Variants in IL20RA observed in about 807,000 individuals in gnomAD.
IL20RA encodes the protein interleukin-20 receptor subunit alpha.
Under a neutral mutation model 36.5 loss-of-function variants are expected in IL20RA, and 29 were observed. That is an observed-to-expected ratio of 0.79 (90% CI 0.59 to 1.08). IL20RA has a LOEUF of 1.08. Ranked by LOEUF, IL20RA falls within the 50% of genes least tolerant of loss-of-function variation. IL20RA has a pLI of 0.00. For missense variants in IL20RA, 652 were observed against 668.4 expected, an observed-to-expected ratio of 0.98 and a Z score of 0.27; for synonymous variants, 279 against 267.1, an observed-to-expected ratio of 1.04 and a Z score of -0.43.
rs1331978722 is a variant in IL20RA at position 137,008,724 on chromosome 6, T to C, written c.599A>G (p.Asn200Ser). ...SNRTWSQCVT[N>S]HTLVLTWLEP... ...CAGCCAGGTGAGCACCAGCGTGTGG[T>C]TGGTCACACACTGGGACCACTAGGA... is the stretch of plus-strand genomic sequence containing the variant. Residue 200 changes from asparagine to serine, a missense_variant, in exon 5 of 7, where the codon AAC becomes AGC. Asn to Ser is a conservative substitution (Grantham distance 46). Transcript: ENST00000316649. 3 of 1,603,970 alleles carry C rather than the reference T, an allele frequency of 1.9e-6. No individual in the cohort carries two copies. Among genetic ancestry groups the C allele is most frequent in the South Asian group, 2.3e-5 (2 of 87,860 alleles).
chr6:137,012,344 G>A (rs71560620), intron 2 of IL20RA, among the ~76,000 whole-genome samples: 1,814 of 152,238 alleles, frequency 0.012, 17 homozygotes, highest in Non-Finnish European at 0.019. Flanking sequence ...GGGAAATGAA[G>A]GTGTTAAGGA....
chr6:137,001,857 G>A lies in IL20RA; in HGVS notation c.1363C>T (p.Gln455Ter). The A allele has an allele frequency of 6.2e-7, 1 of 1,613,548 alleles. No individual in the cohort carries two copies. Among genetic ancestry groups the A allele is most frequent in the South Asian group, 1.1e-5 (1 of 90,974 alleles). Reference sequence around the variant, plus strand: ...TCCTGCGCCAGGGGGTCTAAGTCTTGGAGCTGAGGGGTGTATGAGTACTGT... The same window carrying A: ...TCCTGCGCCAGGGGGTCTAAGTCTTAGAGCTGAGGGGTGTATGAGTACTGT... ...TLQYSYTPQL[Q>*]DLDPLAQEHT... is the part of the protein sequence containing the mutation. The change falls in exon 7 of 7, where the codon CAA becomes TAA. Residue 455 changes from glutamine to a stop codon, truncating the protein, a stop_gained. Coordinates refer to ENST00000316649, the MANE Select transcript of IL20RA (RefSeq NM_014432.4). LOFTEE classifies it low-confidence loss of function (END_TRUNC).
At chr6:137,039,500 G>C (rs551065783) in intron 1 of IL20RA, among the ~76,000 whole-genome samples, 2 of 152,332 alleles carry the variant, frequency 1.3e-5, no homozygotes, top group East Asian at 3.9e-4. Flanking sequence ...TCCTCCATTA[G>C]CTGCAGTACA....
Position 137,034,212 on chromosome 6 carries a change from T to G in IL20RA, c.88+10429A>C, listed in dbSNP as rs12526073. Among the ~76,000 whole-genome samples the G allele has an allele frequency of 7.5e-3, 1,145 of 152,264 alleles. 10 individuals carry two copies. Among genetic ancestry groups the G allele is most frequent in the Non-Finnish European group, 0.013 (851 of 68,014 alleles). The stretch of plus-strand genomic sequence containing the variant: ...ACTACCACTCAGAAAAATCATCCTT[T>G]CCATGGGATTTTGCTATTATTGGAT... On this transcript the variant is annotated intron_variant, in intron 1 of 6. Coordinates refer to ENST00000316649, the MANE Select transcript of IL20RA (RefSeq NM_014432.4).
At chr6:137,043,691 C>T (rs796516768) in intron 1 of IL20RA, among the ~76,000 whole-genome samples, 26 of 152,308 alleles carry the variant, frequency 1.7e-4, no homozygotes, top group African/African-American at 5.5e-4. Context: ...TTTCTTCCTG[C>T]ATTCACTCTT....
rs1422988152 is a variant in IL20RA, at chr6:137,002,323, T to A, written c.897A>T (p.Arg299Ser). ...ILIYGNEFDK[R>S]FFVPAEKIVI... ...CGATTTTTTCAGCAGGCACAAAGAA[T>A]CTTTTGTCAAATTCATTTCCATAAA... Residue 299 changes from arginine to serine, a missense_variant, in exon 7 of 7, where the codon AGA becomes AGT. By Grantham distance (110) the Arg-to-Ser change is moderately radical. Transcript: ENST00000316649. 1.2e-6 allele frequency: 2 copies of A among 1,601,522 alleles called. No individual in the cohort carries two copies. The highest frequency in any genetic ancestry group is 1.7e-5 in the Admixed American group (1 of 57,388).
At chr6:137,042,926 T>C (rs1359754080) in intron 1 of IL20RA, 2 of 152,202 alleles carry the variant, frequency 1.3e-5, no homozygotes, top group Non-Finnish European at 2.9e-5. Context: ...CCTTAGACCT[T>C]AGCCCAAAGA....
intron 1 of IL20RA, among the ~76,000 whole-genome samples, chr6:137,039,049 G>A (rs1776584979): frequency 6.6e-6 from 1 of 152,178 alleles, no homozygotes; most frequent in South Asian, 2.1e-4. Flanking sequence ...TTATGAGTAA[G>A]TGAAATATAT....
chr6:137,041,804 AT>A (rs1044042485), intron 1 of IL20RA, among the ~76,000 whole-genome samples: 11 of 142,322 alleles, frequency 7.7e-5, no homozygotes, highest in Admixed American at 2.1e-4. Context: ...AGACCCTGTT[AT>A]TTTTTTTTAA....
At chr6:137,036,903 G>A (rs370145654) in intron 1 of IL20RA, among the ~76,000 whole-genome samples, 25 of 152,320 alleles carry the variant, frequency 1.6e-4, no homozygotes, top group East Asian at 9.6e-4. Flanking sequence ...TCTCCTGAAA[G>A]TGAAGATGAG....
At chr6:137,009,847 G>A (rs1017847867) in intron 3 of IL20RA, among the ~76,000 whole-genome samples, 2 of 151,906 alleles carry the variant, frequency 1.3e-5, no homozygotes, top group East Asian at 1.9e-4. Context: ...CCTGTGATCC[G>A]TCCACCTCGG....
At chr6:137,042,011 G>A (rs1368840149) in intron 1 of IL20RA, among the ~76,000 whole-genome samples, 2 of 151,868 alleles carry the variant, frequency 1.3e-5, no homozygotes, top group Non-Finnish European at 2.9e-5. Context: ...CCCTCCCTGT[G>A]TCCATGTGTT....
At chr6:137,008,871 T>TG in intron 4 of IL20RA, 128 bp from the exon 5 acceptor site, 1 of 586,726 alleles carries the variant, frequency 1.7e-6, no homozygotes. Context: ...TAAGCTTTTT[T>TG]TTTTTTTTTT....
Position 137,008,694 on chromosome 6 carries a change from G to C in IL20RA, c.629C>G (p.Pro210Arg). The C allele has an allele frequency of 1.2e-6, 2 of 1,606,932 alleles. No homozygotes were observed. Among genetic ancestry groups the C allele is most frequent in the Middle Eastern group, 3.3e-4 (2 of 6,054 alleles). ...NHTLVLTWLE[P>R]NTLYCVHVES... The stretch of plus-strand genomic sequence containing the variant: ...CACGTGTACGCAGTAAAGAGTGTTC[G>C]GCTCCAGCCAGGTGAGCACCAGCGT... The change falls in exon 5 of 7, where the codon CCG (proline) becomes CGG (arginine). Residue 210 changes from proline (P) to arginine (R), a missense_variant. By Grantham distance (103) the Pro-to-Arg change is moderately radical. Coordinates refer to ENST00000316649, the MANE Select transcript of IL20RA (RefSeq NM_014432.4).
At chr6:137,015,378 CTTCT>C (rs1775647172) in intron 2 of IL20RA, among the ~76,000 whole-genome samples, 1 of 152,146 alleles carries the variant, frequency 6.6e-6, no homozygotes, top group African/African-American at 2.4e-5. Flanking sequence ...ACTGTTTTCT[CTTCT>C]TTGAGTTTTA....
chr6:137,015,122 A>G (rs1427855755), intron 2 of IL20RA, among the ~76,000 whole-genome samples: 1 of 152,220 alleles, frequency 6.6e-6, no homozygotes, highest in Non-Finnish European at 1.5e-5. Flanking sequence ...TAATTATCTT[A>G]AAGTCCAATA....
At chr6:137,017,491 T>C (rs996553364) in intron 1 of IL20RA, among the ~76,000 whole-genome samples, 1 of 152,104 alleles carries the variant, frequency 6.6e-6, no homozygotes, top group Non-Finnish European at 1.5e-5. Flanking sequence ...AGACCTCGTG[T>C]GAGATCAGCA....
chr6:137,020,583 A>G (rs1200094824), intron 1 of IL20RA, among the ~76,000 whole-genome samples: 1 of 151,744 alleles, frequency 6.6e-6, no homozygotes, highest in Non-Finnish European at 1.5e-5. Flanking sequence ...GTTTGATTTT[A>G]TGTTTATGAA....
intron 1 of IL20RA, among the ~76,000 whole-genome samples, chr6:137,031,674 T>C (rs533411411): frequency 1.4e-4 from 22 of 152,366 alleles, no homozygotes; most frequent in African/African-American, 4.1e-4. Flanking sequence ...GGTATCCCCA[T>C]CATCAAGTGA....
Sources: gnomAD v4.1 joint callset for allele counts (sites outside exome capture counted in the v4.1 genomes callset) on GRCh38, gnomAD v4.1.1 for gene constraint, MANE v1.5 for transcripts, NCBI Gene and HGNC (gene_info 2026-07-23, HGNC 2026-07-21) for gene names.